SENP1: variants seen among roughly 807,000 people sequenced by gnomAD.
SENP1 encodes SUMO specific peptidase 1, also known as sentrin-specific protease 1.
Under a neutral mutation model 93.0 loss-of-function variants are expected in SENP1, and 21 were observed. The observed-to-expected ratio is 0.23, with a 90% confidence interval of 0.16 to 0.33. SENP1 has a LOEUF of 0.33. SENP1 is among the 10% of genes least tolerant of loss of function. SENP1 has a pLI of 1.00. For synonymous variants in SENP1, 256 were observed against 259.6 expected, an observed-to-expected ratio of 0.99 and a Z score of 0.13; for missense variants, 591 against 758.7, an observed-to-expected ratio of 0.78 and a Z score of 2.60.
At chr12:48,048,178 C>G in intron 14 of SENP1, 98 bp from the exon 15 acceptor site, 1 of 721,754 alleles carries the variant, frequency 1.4e-6, no homozygotes, top group Admixed American at 2.4e-5. Flanking sequence ...TGCCAGACTT[C>G]CTACAAAATC....
chr12:48,055,407 CA>C (rs1461602558), intron 13 of SENP1: 1 of 152,498 alleles, frequency 6.6e-6, no homozygotes, highest in East Asian at 1.9e-4. Context: ...AAGCAAGGGA[CA>C]CAGTGCGGCT....
intron 4 of SENP1, among the ~76,000 whole-genome samples, chr12:48,090,333 T>C (rs1945138944): frequency 6.6e-6 from 1 of 152,196 alleles, no homozygotes; most frequent in Non-Finnish European, 1.5e-5. Context: ...AATACAGATA[T>C]CTATCTGAGG....
intron 13 of SENP1, among the ~76,000 whole-genome samples, chr12:48,059,348 A>AT (rs757991742): frequency 6.6e-6 from 1 of 151,790 alleles, no homozygotes; most frequent in Non-Finnish European, 1.5e-5. Flanking sequence ...AAGTTTACGA[A>AT]TTTTTTCTTA....
intron 6 of SENP1, among the ~76,000 whole-genome samples, chr12:48,079,004 T>G (rs1388485176): frequency 6.6e-6 from 1 of 152,098 alleles, no homozygotes; most frequent in Non-Finnish European, 1.5e-5. Flanking sequence ...TGTTTAAAAA[T>G]TAGCTGCATA....
chr12:48,088,929 T>C lies in SENP1; in HGVS notation c.252A>G (p.Ser84=). 5 of 1,594,300 alleles carry C rather than the reference T, an allele frequency of 3.1e-6. No homozygotes were observed. The highest frequency in any genetic ancestry group is 1.1e-5 in the South Asian group (1 of 88,276). ...DNPSSDSFLG[S]GDLRTFGQSA... ...TCTGGCCAAAGGTTCTTAAATCGCCTGAGCCAAGAAAACTGTCTGAGGAAG... is the reference window on the plus strand; with the variant it reads ...TCTGGCCAAAGGTTCTTAAATCGCCCGAGCCAAGAAAACTGTCTGAGGAAG... The change falls in exon 5 of 18, where the codon TCA becomes TCG. Residue 84 remains serine (S), a synonymous_variant. Transcript: ENST00000549518.
chr12:48,073,869 G>A (rs898109230), intron 8 of SENP1, among the ~76,000 whole-genome samples: 5 of 152,212 alleles, frequency 3.3e-5, no homozygotes, highest in Non-Finnish European at 7.3e-5. Context: ...TACTTAGGAA[G>A]TTGTTTAAAT....
chr12:48,083,091 G>T (rs186977265), intron 6 of SENP1, among the ~76,000 whole-genome samples: 2 of 152,210 alleles, frequency 1.3e-5, no homozygotes, highest in East Asian at 3.9e-4. Flanking sequence ...TTTTTGTAGA[G>T]ACAGGGTTTC....
intron 1 of SENP1, among the ~76,000 whole-genome samples, chr12:48,104,443 T>C (rs913103211): frequency 3.9e-5 from 6 of 152,158 alleles, no homozygotes; most frequent in African/African-American, 1.4e-4. Context: ...TACTATATCG[T>C]CATGTGTTTG....
At chr12:48,073,431 C>A (rs1332565538) in intron 8 of SENP1, among the ~76,000 whole-genome samples, 2 of 151,058 alleles carry the variant, frequency 1.3e-5, no homozygotes, top group African/African-American at 4.9e-5. Context: ...AAAAAAAAAA[C>A]CTCAAACAAC....
rs371147495 is a variant in SENP1 at position 48,063,757 on chromosome 12, G to A, written c.1360C>T (p.Arg454Cys). ...LSEAFRLTIT[R>C]KDIQTLNHLN... is the part of the protein sequence containing the mutation. ...TGGTTTAGAGTTTGAATATCTTTGC[G>A]TGTAATGGTCAGGCGAAATGCTTCA... Residue 454 changes from arginine (R) to cysteine (C), a missense_variant, in exon 13 of 18, where the codon CGC (arginine) becomes TGC (cysteine). Around this residue, in one of 4 missense-constraint regions of SENP1, gnomAD observed 238 missense variants for 259.1 expected, o/e 0.92. Coordinates refer to ENST00000549518, the MANE Select transcript of SENP1 (RefSeq NM_001267594.2). 14 of 1,612,838 alleles carry A rather than the reference G, an allele frequency of 8.7e-6. No homozygotes were observed. The highest frequency in any genetic ancestry group is 2.2e-5 in the East Asian group (1 of 44,862).
rs1029926805 is a variant in SENP1 at position 48,063,617 on chromosome 12, A to G, written c.1407+93T>C. The G allele has an allele frequency of 5.2e-5, 68 of 1,300,068 alleles. 1 individual carries two copies. The highest frequency in any genetic ancestry group is 4.7e-4 in the Middle Eastern group (2 of 4,214). The allele number at this position is 1,300,068 out of a possible 1,614,324, so 80.5% of individuals were successfully genotyped here. ...GAGATGATTCCAATGCAGGTCATCC[A>G]TGGACCACATTTTGAGAAAAAGTGA... On this transcript the variant is annotated intron_variant, in intron 13 of 17. Transcript: ENST00000549518.
At chr12:48,076,315 G>C in intron 6 of SENP1, among the ~76,000 whole-genome samples, 1 of 151,862 alleles carries the variant, frequency 6.6e-6, no homozygotes, top group Non-Finnish European at 1.5e-5. Context: ...GTTTTTAGTA[G>C]AGATGGGGTT....
chr12:48,071,670 G>C lies in SENP1; in HGVS notation c.992C>G (p.Pro331Arg). The C allele has an allele frequency of 6.3e-7, 1 of 1,599,282 alleles. No individual in the cohort carries two copies. The highest frequency in any genetic ancestry group is 8.6e-7 in the Non-Finnish European group (1 of 1,167,560). Residue 331 changes from proline to arginine, a missense_variant, in exon 9 of 18, where the codon CCC becomes CGC. By Grantham distance (103) the Pro-to-Arg change is moderately radical (BLOSUM62 -2). Coordinates refer to ENST00000549518, the MANE Select transcript of SENP1 (RefSeq NM_001267594.2). ...LKVKDSQTPT[P>R]SSTFFQAELW... ...ACAAGCTTTTTCCAAAGTTTACCTG[G>C]GAGTTGGAGTCTGGGAATCTTTCAC...
rs200983442 is a variant in SENP1 at position 48,101,294 on chromosome 12, C to CAAT, written c.4+172_4+174dup. Among the ~76,000 whole-genome samples, 722 of 152,146 alleles carry CAAT rather than the reference C, an allele frequency of 4.7e-3. 7 individuals are homozygous for CAAT. The highest frequency in any genetic ancestry group is 0.016 in the African/African-American group (648 of 41,506). ...GAGCAAGACTACGTTTCAAAAATAG[C>CAAT]AATAATAATAATTTTGTTTGGTATA... On this transcript the variant is annotated intron_variant, in intron 2 of 17. Transcript: ENST00000549518.
chr12:48,047,861 G>A (rs945099121), intron 15 of SENP1, 140 bp downstream of exon 15: 93 of 610,704 alleles, frequency 1.5e-4, no homozygotes, highest in Middle Eastern at 2.6e-4. Flanking sequence ...AACTTACTTA[G>A]ATACAAAATA....
At position 48,078,223 on chromosome 12, in the gene SENP1, T is replaced by C. The variant is rs1216508002; in HGVS notation, c.553-3430A>G. On this transcript the variant is annotated intron_variant, in intron 6 of 17. Coordinates refer to ENST00000549518, the MANE Select transcript of SENP1 (RefSeq NM_001267594.2). ...TTTTTGCATAGTTCATTGTTAACAG[T>C]GCATAGAAATACTACTAATTTCTGT... Among the ~76,000 whole-genome samples the C allele has an allele frequency of 2.7e-5, 4 of 150,520 alleles. No homozygotes were observed. In the East Asian group the frequency reaches 7.8e-4, roughly 29 times the overall value.
At chr12:48,056,752 TATATAA>T (rs1389262674) in intron 13 of SENP1, among the ~76,000 whole-genome samples, 1 of 78,234 alleles carries the variant, frequency 1.3e-5, no homozygotes, top group Non-Finnish European at 2.1e-5. Context: ...ACATATTACA[TATATAA>T]ATATATTTAA....
Position 48,043,341 on chromosome 12 carries a change from C to T in SENP1, c.*1981G>A, listed in dbSNP as rs1941120939. On this transcript the variant is annotated 3_prime_UTR_variant, in exon 18 of 18. Coordinates refer to ENST00000549518, the MANE Select transcript of SENP1 (RefSeq NM_001267594.2). ...GACAGATGTTACCTAAATGGACAAA[C>T]AATAAATACAGAGAACAATCTTGTT... The T allele has an allele frequency of 6.6e-6, 1 of 152,562 alleles. No homozygotes were observed. The highest frequency in any genetic ancestry group is 1.5e-5 in the Non-Finnish European group (1 of 68,018). The allele number at this position is 152,562 out of a possible 1,614,324, so 9.5% of individuals were successfully genotyped here.
At chr12:48,056,327 A>T (rs1197219053) in intron 13 of SENP1, among the ~76,000 whole-genome samples, 70 of 90,958 alleles carry the variant, frequency 7.7e-4, no homozygotes, top group Non-Finnish European at 1.3e-3. Flanking sequence ...CACATATATA[A>T]ATATTATTTA....
Sources: gnomAD v4.1 joint callset for allele counts (sites outside exome capture counted in the v4.1 genomes callset) on GRCh38, gnomAD v4.1.1 for gene constraint, gnomAD v4.1.1 regional missense constraint, MANE v1.5 for transcripts, NCBI Gene and HGNC (gene_info 2026-07-23, HGNC 2026-07-21) for gene names.